HCFC1: variants seen among roughly 807,000 people sequenced by gnomAD.
The protein encoded by HCFC1 is host cell factor C1, also known as host cell factor 1.
Under a neutral mutation model 105.5 loss-of-function variants are expected in HCFC1, and 7 were observed. The ratio of observed to expected loss-of-function variants is 0.07; its 90% CI spans 0.04 to 0.12. The LOEUF (loss-of-function observed/expected upper bound fraction) is 0.12, where lower values mean the gene tolerates loss of function less well. Among genes scored for constraint, HCFC1 ranks in the 10% least tolerant of loss-of-function variants. The probability of loss-of-function intolerance (pLI) is 1.00; values close to 1 mark genes in which losing one functional copy is unlikely to be tolerated. For synonymous variants in HCFC1, 918 were observed against 828.1 expected, an observed-to-expected ratio of 1.11 and a Z score of -1.86; for missense variants, 1,065 against 1,823.6, an observed-to-expected ratio of 0.58 and a Z score of 7.58.
In HCFC1 at chrX:153,955,062, C is replaced by T. The variant is rs782066012; in HGVS notation, c.3337G>A (p.Glu1113Lys). ...GTGGCAGTGTTGGTGGTGCCCGTCT[C>T]GTGGGTCTCGCAGGGTGGGTTTGAG... ...GCSNPPCETH[E>K]TGTTNTATTA... Residue 1113 changes from glutamate to lysine, a missense_variant, in exon 17 of 26, where the codon GAG (glutamate) becomes AAG (lysine). By Grantham distance (56) the Glu-to-Lys change is moderately conservative. Around this residue, in one of 17 missense-constraint regions of HCFC1, gnomAD observed 546 missense variants for 599.9 expected, o/e 0.91. Transcript: ENST00000310441. The T allele has an allele frequency of 6.6e-6, 8 of 1,209,807 alleles. No individual in the cohort carries two copies. The highest frequency in any genetic ancestry group is 5.9e-5 in the East Asian group (2 of 33,730).
chrX:153,953,853 C>T (rs1211289865), intron 17 of HCFC1, 83 bp from the exon 18 acceptor site: 3 of 1,032,165 alleles, frequency 2.9e-6, no homozygotes, highest in Non-Finnish European at 3.9e-6. Context: ...CTTCCTCTAC[C>T]ACCAAGGGGA....
rs1557116079 is a variant in HCFC1 at position 153,959,416 on chromosome X, C to T, written c.1520G>A (p.Ser507Asn). 6 of 1,211,831 alleles carry T rather than the reference C, an allele frequency of 5.0e-6. No individual in the cohort carries two copies. Among genetic ancestry groups the T allele is most frequent in the Middle Eastern group, 4.6e-4 (2 of 4,350 alleles). ...GTPLVTMRPA[S>N]QAGKAPVTVT... Reference sequence around the variant, plus strand: ...GGTGACAGGGGCTTTCCCAGCCTGGCTGGCAGGTCGCATGGTGACCAATGG... The same window carrying T: ...GGTGACAGGGGCTTTCCCAGCCTGGTTGGCAGGTCGCATGGTGACCAATGG... The change falls in exon 9 of 26, where the codon AGC becomes AAC. Residue 507 changes from serine to asparagine, a missense_variant. Transcript: ENST00000310441.
rs1557115101 is a variant in HCFC1, at chrX:153,956,682, C to T, written c.2578G>A (p.Val860Ile). The change falls in exon 15 of 26, where the codon GTC (valine) becomes ATC (isoleucine). Residue 860 changes from valine (V) to isoleucine (I), a missense_variant. By Grantham distance (29) the Val-to-Ile change is conservative. Coordinates refer to ENST00000310441, the MANE Select transcript of HCFC1 (RefSeq NM_005334.3). Reference protein sequence around the residue: ...PMGGVRLVTPVTVSAVKPAVT... With the variant: ...PMGGVRLVTPITVSAVKPAVT... ...GCTGGCTTGACGGCGGAGACGGTGA[C>T]GGGTGTGACCAGGCGAACACCCCCC... 1.7e-6 allele frequency: 2 copies of T among 1,211,491 alleles called. No homozygotes were observed. The highest frequency in any genetic ancestry group is 2.2e-5 in the Admixed American group (1 of 46,085).
At position 153,957,221 on chromosome X, in the gene HCFC1, A is replaced by C. The variant is rs144231526; in HGVS notation, c.2353+93T>G. 1,534 of 985,829 alleles carry C rather than the reference A, an allele frequency of 1.6e-3. 10 individuals carry two copies. The Admixed American group carries it at 0.02, about 13-fold the overall frequency. The allele number at this position is 985,829 out of a possible 1,213,427, so 81.2% of individuals were successfully genotyped here. On this transcript the variant is annotated intron_variant, in intron 13 of 25. Transcript: ENST00000310441. ...GCAAGGAGAAGATAGAAAAGGGTAA[A>C]CTAAACAGAAACACAGCACGCCTTA...
chrX:153,953,523 A>G (rs2065335914), intron 18 of HCFC1, 84 bp downstream of exon 18: 2 of 1,013,840 alleles, frequency 2.0e-6, no homozygotes, highest in Non-Finnish European at 2.7e-6. Context: ...GCCTGGTACA[A>G]GAGCGACATC....
chrX:153,950,035 C>A (rs1425512225), intron 24 of HCFC1, among the ~76,000 whole-genome samples: 4 of 111,883 alleles, frequency 3.6e-5, no homozygotes, highest in Admixed American at 9.4e-5. Context: ...CCTCAAACAT[C>A]CTGGGGTGGC....
chrX:153,969,076 T>C (rs2065500116), intron 1 of HCFC1, among the ~76,000 whole-genome samples: 1 of 111,541 alleles, frequency 9.0e-6, no homozygotes, highest in Non-Finnish European at 1.9e-5. Flanking sequence ...ACGTGGTAGG[T>C]GGCGATAATC....
At position 153,952,088 on chromosome X, in the gene HCFC1, C is replaced by T. The variant is rs1319847117; in HGVS notation, c.5013G>A (p.Ser1671=). 2.7e-5 allele frequency: 31 copies of T among 1,158,844 alleles called. No homozygotes were observed. The highest frequency in any genetic ancestry group is 3.2e-5 in the East Asian group (1 of 31,612). Residue 1671 remains serine (S), a synonymous_variant, in exon 20 of 26, where the codon TCG becomes TCA. Coordinates refer to ENST00000310441, the MANE Select transcript of HCFC1 (RefSeq NM_005334.3). ...TVTQAELGHL[S]AEGQEGQATT... The stretch of plus-strand genomic sequence containing the variant: ...TGGCCTGGCCCTCCTGACCCTCGGC[C>T]GACAGGTGCCCCAGCTCCGCCTGAG...
chrX:153,950,678 C>A, intron 23 of HCFC1, 135 bp from the exon 24 acceptor site: 2 of 874,903 alleles, frequency 2.3e-6, no homozygotes, highest in Non-Finnish European at 3.2e-6. Flanking sequence ...TCAAAGAGAT[C>A]TTCCCCCAAG....
chrX:153,950,120 G>A (rs782005532), intron 24 of HCFC1, 123 bp downstream of exon 24: 48 of 747,845 alleles, frequency 6.4e-5, no homozygotes, highest in East Asian at 4.2e-4. Flanking sequence ...GGCTGTGTGC[G>A]CGCCAAAGGA....
chrX:153,950,218 G>C, intron 24 of HCFC1, 25 bp downstream of exon 24: 1 of 1,140,788 alleles, frequency 8.8e-7, no homozygotes, highest in South Asian at 2.1e-5. Context: ...CCCTGTGCCT[G>C]AAGAGCTCCA....
chrX:153,950,997 T>C lies in HCFC1; in HGVS notation c.5519A>G (p.Asp1840Gly). 8.3e-7 allele frequency: 1 copy of C among 1,208,623 alleles called. No homozygotes were observed. Among genetic ancestry groups the C allele is most frequent in the South Asian group, 1.8e-5 (1 of 56,969 alleles). ...ATAGTCAGGGACGGTGCCCAAATCA[T>C]CCTAGGAAAAGAGGAGTGGCATGAA... is the stretch of plus-strand genomic sequence containing the variant. ...LPPDDAVPSD[D>G]DLGTVPDYNQ... The change falls in exon 23 of 26, where the codon GAT (aspartate) becomes GGT (glycine). Residue 1840 changes from aspartate (D) to glycine (G), a missense_variant and splice_region_variant. Physicochemically the swap from Asp to Gly is moderately conservative, Grantham distance 94 (BLOSUM62 -1). This residue lies in a region of HCFC1 where 17 missense variants were observed against 30.5 expected (regional missense o/e 0.56). Transcript: ENST00000310441.
intron 6 of HCFC1, among the ~76,000 whole-genome samples, chrX:153,960,694 C>T (rs1557116612): frequency 8.9e-6 from 1 of 112,553 alleles, no homozygotes; most frequent in African/African-American, 3.2e-5. Flanking sequence ...CAGAAAGAGA[C>T]GGCAATGGGA....
At chrX:153,952,385 TG>T (rs2065321932) in intron 19 of HCFC1, 128 bp downstream of exon 19, 17 of 897,031 alleles carry the variant, frequency 1.9e-5, no homozygotes, top group Middle Eastern at 8.5e-4. Context: ...GGGTCCCCTG[TG>T]CTCGTCCTCC....
intron 19 of HCFC1, 148 bp from the exon 20 acceptor site, chrX:153,952,306 G>A (rs1603294638): frequency 9.9e-7 from 1 of 1,014,050 alleles, no homozygotes; most frequent in East Asian, 3.4e-5. Flanking sequence ...GAGGGGCCCT[G>A]CCTGTTTCCC....
chrX:153,971,239 C>G lies in HCFC1; in HGVS notation c.-399G>C. 9.7e-6 allele frequency: 3 copies of G among 308,749 alleles called. No homozygotes were observed. Among genetic ancestry groups the G allele is most frequent in the Non-Finnish European group, 1.7e-5 (3 of 177,700 alleles). The allele number at this position is 308,749 out of a possible 1,213,427, so 25.4% of individuals were successfully genotyped here. ...TCCCCCGCCGGAAATGGCGGAGCCC[C>G]GGCCCGGTTCCCACACCCCCAAGTC... On this transcript the variant is annotated 5_prime_UTR_variant, in exon 1 of 26. Transcript: ENST00000310441.
intron 9 of HCFC1, 87 bp from the exon 10 acceptor site, chrX:153,958,853 C>T: frequency 1.4e-6 from 1 of 701,614 alleles, no homozygotes; most frequent in East Asian, 3.9e-5. Flanking sequence ...TGCCCAGGGG[C>T]TGCCCTGCTC....
At position 153,953,786 on chromosome X, in the gene HCFC1, G is replaced by C; in HGVS notation, c.4334-16C>G. The C allele has an allele frequency of 8.4e-7, 1 of 1,188,869 alleles. No homozygotes were observed. Among genetic ancestry groups the C allele is most frequent in the Admixed American group, 2.3e-5 (1 of 43,888 alleles). ...GGTGGGGGGTCTGTGGGGGCGACAG[G>C]CAGGCGGCTGCTCAGCAGGAGCCCC... On this transcript the variant is annotated splice_polypyrimidine_tract_variant and intron_variant, in intron 17 of 25. Transcript: ENST00000310441.
rs781788935 is a variant in HCFC1, at chrX:153,952,837, G to A, written c.4619C>T (p.Thr1540Ile). The A allele has an allele frequency of 3.1e-5, 37 of 1,192,624 alleles. No homozygotes were observed. The highest frequency in any genetic ancestry group is 4.6e-5 in the Admixed American group (2 of 43,861). Residue 1540 changes from threonine to isoleucine, a missense_variant, in exon 19 of 26, where the codon ACC becomes ATC. Transcript: ENST00000310441. ...ATCCACGGCGGCCGGGAGCTCAGGG[G>A]TCTGGGAGGCTGACAGGACCTCGGC... ...ESAEVLSASQ[T>I]PELPAAVDLS...
Sources: gnomAD v4.1 joint callset for allele counts (sites outside exome capture counted in the v4.1 genomes callset) on GRCh38, gnomAD v4.1.1 for gene constraint, gnomAD v4.1.1 regional missense constraint, MANE v1.5 for transcripts, NCBI Gene and HGNC (gene_info 2026-07-23, HGNC 2026-07-21) for gene names.